The following ERBB4 variants were observed in gnomAD, a reference collection of about 807,000 sequenced individuals.
ERBB4 encodes receptor tyrosine-protein kinase erbB-4.
Under a neutral mutation model 158.0 loss-of-function variants are expected in ERBB4, and 42 were observed. That is an observed-to-expected ratio of 0.27 (90% CI 0.21 to 0.34). The LOEUF is 0.34. ERBB4 is among the 10% of genes least tolerant of loss of function. The pLI, the probability that ERBB4 is intolerant of heterozygous loss-of-function variation, is 1.00. For synonymous variants in ERBB4, 583 were observed against 558.7 expected, an observed-to-expected ratio of 1.04 and a Z score of -0.61; for missense variants, 1,333 against 1,624.1, an observed-to-expected ratio of 0.82 and a Z score of 3.08.
intron 20 of ERBB4, chr2:211,535,777 C>T (rs1033831249): frequency 6.6e-6 from 1 of 152,424 alleles, no homozygotes; most frequent in Admixed American, 6.6e-5. Context: ...TCATATGTGT[C>T]TGTCTAGAGT....
At chr2:211,809,876 T>C (rs531831436) in intron 3 of ERBB4, among the ~76,000 whole-genome samples, 25 of 152,220 alleles carry the variant, frequency 1.6e-4, no homozygotes, top group Non-Finnish European at 2.6e-4. Flanking sequence ...TCCCAGAGAT[T>C]CTGGTACATT....
chr2:211,464,019 T>G (rs1489666548), intron 20 of ERBB4, among the ~76,000 whole-genome samples: 2 of 152,108 alleles, frequency 1.3e-5, no homozygotes. Flanking sequence ...TGCATGTCAG[T>G]CTTGCTTTTT....
Position 212,304,196 on chromosome 2 carries a change from A to G in ERBB4, c.83-179293T>C, listed in dbSNP as rs538997075. On this transcript the variant is annotated intron_variant, in intron 1 of 27. Coordinates refer to ENST00000342788, the MANE Select transcript of ERBB4 (RefSeq NM_005235.3). ...AGAATGTGGAAGAAGAAATTATAAAATATTTCTGTACAACCGGTGGTGGTA... is the reference window on the plus strand; with the variant it reads ...AGAATGTGGAAGAAGAAATTATAAAGTATTTCTGTACAACCGGTGGTGGTA... Among the ~76,000 whole-genome samples, 122 of 151,656 alleles carry G rather than the reference A, an allele frequency of 8.0e-4. 1 individual carries two copies. The Middle Eastern group carries it at 0.017, about 21-fold the overall frequency.
intron 2 of ERBB4, among the ~76,000 whole-genome samples, chr2:212,010,954 T>C (rs1435558590): frequency 6.6e-6 from 1 of 152,186 alleles, no homozygotes; most frequent in African/African-American, 2.4e-5. Context: ...AAGAAAAATA[T>C]GGCTCTTTTT....
At chr2:211,558,326 T>C (rs2067293703) in intron 20 of ERBB4, among the ~76,000 whole-genome samples, 1 of 152,152 alleles carries the variant, frequency 6.6e-6, no homozygotes, top group African/African-American at 2.4e-5. Context: ...CAAGGTGCAC[T>C]GCTCAGCTCT....
intron 1 of ERBB4, among the ~76,000 whole-genome samples, chr2:212,273,137 G>A (rs16848142): frequency 0.046 from 7,024 of 151,730 alleles, 227 homozygotes; most frequent in African/African-American, 0.088. Context: ...GAAAAAGAAA[G>A]AACATAATTT....
At position 212,199,533 on chromosome 2, in the gene ERBB4, C is replaced by A. The variant is rs552749250; in HGVS notation, c.83-74630G>T. Among the ~76,000 whole-genome samples, 13 of 152,234 alleles carry A rather than the reference C, an allele frequency of 8.5e-5. 1 individual carries two copies. In the South Asian group the frequency reaches 2.5e-3, roughly 29 times the overall value. On this transcript the variant is annotated intron_variant, in intron 1 of 27. Coordinates refer to ENST00000342788, the MANE Select transcript of ERBB4 (RefSeq NM_005235.3). Reference sequence around the variant, plus strand: ...GCTGCAGAGGAAGGAGACTCTAAACCAAATTACTCAGGCTAGAGGTCTTTC... The same window carrying A: ...GCTGCAGAGGAAGGAGACTCTAAACAAAATTACTCAGGCTAGAGGTCTTTC...
chr2:212,105,593 C>T (rs1487306708), intron 2 of ERBB4, among the ~76,000 whole-genome samples: 4 of 152,128 alleles, frequency 2.6e-5, no homozygotes, highest in Non-Finnish European at 4.4e-5. Context: ...AATTAAAATG[C>T]ATTTGTGTCG....
intron 2 of ERBB4, among the ~76,000 whole-genome samples, chr2:212,063,111 T>TA (rs138784948): frequency 0.014 from 2,067 of 152,276 alleles, 38 homozygotes; most frequent in African/African-American, 0.046. Flanking sequence ...CTGCCATTTT[T>TA]AAAAAATTTA....
At chr2:211,951,692 C>T (rs369880376) in intron 2 of ERBB4, among the ~76,000 whole-genome samples, 3 of 152,058 alleles carry the variant, frequency 2.0e-5, no homozygotes, top group Admixed American at 6.6e-5. Flanking sequence ...GATTCTAGAA[C>T]TGGAGGGATT....
intron 2 of ERBB4, among the ~76,000 whole-genome samples, chr2:212,094,507 C>T (rs1204353628): frequency 1.3e-5 from 2 of 151,222 alleles, no homozygotes; most frequent in African/African-American, 4.8e-5. Context: ...TTCAATCAAA[C>T]TTGTTCTTTA....
At chr2:212,302,017 G>C (rs769719127) in intron 1 of ERBB4, among the ~76,000 whole-genome samples, 5 of 151,412 alleles carry the variant, frequency 3.3e-5, no homozygotes, top group Non-Finnish European at 5.9e-5. Context: ...ACTGTGCCTT[G>C]TTGCTTTTGA....
intron 3 of ERBB4, among the ~76,000 whole-genome samples, chr2:211,847,632 A>AT (rs68030727): frequency 0.17 from 16,740 of 100,352 alleles, 1,222 homozygotes; most frequent in Non-Finnish European, 0.23. Context: ...AAACATTATG[A>AT]TTTTTTTTTG....
intron 3 of ERBB4, among the ~76,000 whole-genome samples, chr2:211,813,720 C>T (rs1251145185): frequency 6.6e-6 from 1 of 151,998 alleles, no homozygotes; most frequent in Non-Finnish European, 1.5e-5. Context: ...AAAGACAGGA[C>T]AGTAAACTAG....
chr2:211,446,654 C>G (rs768111911), intron 20 of ERBB4, among the ~76,000 whole-genome samples: 11 of 152,032 alleles, frequency 7.2e-5, no homozygotes, highest in Non-Finnish European at 1.5e-4. Context: ...AAGTCAGTTA[C>G]TCCAGAACCA....
chr2:211,795,206 C>T (rs1247790766), intron 3 of ERBB4, among the ~76,000 whole-genome samples: 9 of 151,734 alleles, frequency 5.9e-5, no homozygotes, highest in Admixed American at 2.0e-4. Context: ...TGCTCTATCA[C>T]GGCTTTGAAT....
intron 1 of ERBB4, among the ~76,000 whole-genome samples, chr2:212,537,876 T>G (rs1693185758): frequency 6.6e-6 from 1 of 152,036 alleles, no homozygotes; most frequent in South Asian, 2.1e-4. Context: ...GCCCGCCTGC[T>G]GCACTCCGGC....
intron 20 of ERBB4, among the ~76,000 whole-genome samples, chr2:211,539,077 C>T (rs2066730569): frequency 1.3e-5 from 2 of 151,854 alleles, no homozygotes; most frequent in South Asian, 4.1e-4. Flanking sequence ...TTCTTCCTGG[C>T]TTTATCTAAC....
chr2:211,811,533 T>C (rs2076756942), intron 3 of ERBB4, among the ~76,000 whole-genome samples: 1 of 152,166 alleles, frequency 6.6e-6, no homozygotes, highest in Admixed American at 6.5e-5. Flanking sequence ...TGAGGTTCTC[T>C]GTATTTCCTG....
Sources: allele counts gnomAD v4.1 joint callset (sites outside exome capture counted in the v4.1 genomes callset), GRCh38; gene constraint gnomAD v4.1.1; transcripts MANE v1.5; gene names NCBI Gene and HGNC (gene_info 2026-07-23, HGNC 2026-07-21).